Variants in UBXN2A observed in about 807,000 individuals in gnomAD.
UBXN2A encodes UBX domain-containing protein 2A.
A neutral mutation model predicts 28.4 loss-of-function variants in UBXN2A; 28 were observed. The observed-to-expected ratio is 0.99, with a 90% CI of 0.73 to 1.35. UBXN2A has a LOEUF of 1.35. Among genes scored for constraint, UBXN2A ranks in the 40% most tolerant of loss-of-function variants. UBXN2A has a pLI of 0.00. For missense variants in UBXN2A, 253 were observed against 297.9 expected, an observed-to-expected ratio of 0.85 and a Z score of 1.11; for synonymous variants, 97 against 103.6, an observed-to-expected ratio of 0.94 and a Z score of 0.39.
intron 2 of UBXN2A, among the ~76,000 whole-genome samples, chr2:23,966,485 C>G (rs966617471): frequency 1.4e-5 from 2 of 142,868 alleles, no homozygotes; most frequent in African/African-American, 5.2e-5. Flanking sequence ...CAGAGTCTCG[C>G]TCTGTTGCCC....
At chr2:23,938,727 A>T (rs373163684), upstream of UBXN2A, among the ~76,000 whole-genome samples, 55 of 152,198 alleles carry the variant, frequency 3.6e-4, 1 homozygote, top group South Asian at 6.8e-3. Flanking sequence ...AGTAATCAAA[A>T]TAGTATGGTA....
intron 3 of UBXN2A, 119 bp from the exon 4 acceptor site, chr2:23,976,850 G>A: frequency 4.3e-6 from 3 of 704,014 alleles, no homozygotes; most frequent in Non-Finnish European, 7.0e-6. Context: ...CGAAGTGCTG[G>A]GATTACAGGA....
Position 24,001,690 on chromosome 2 carries a change from TGGCTTAC to T in UBXN2A, c.*1825_*1831del, listed in dbSNP as rs1161410353. Reference sequence around the variant, plus strand: ...ATATTTATTTATGGGCCAGGCACGGTGGCTTACGCCTGTAATCCCAGCACTTTGGGAG... The same window carrying T: ...ATATTTATTTATGGGCCAGGCACGGTGCCTGTAATCCCAGCACTTTGGGAG... On this transcript the variant is annotated 3_prime_UTR_variant, in exon 7 of 7. Coordinates refer to ENST00000309033, the MANE Select transcript of UBXN2A (RefSeq NM_181713.4). 6.6e-6 allele frequency: 1 copy of T among 152,096 alleles called. No individual in the cohort carries two copies. Among genetic ancestry groups the T allele is most frequent in the Non-Finnish European group, 1.5e-5 (1 of 68,008 alleles). 9.4% of individuals were successfully genotyped at this position (152,096 alleles called of 1,614,324 possible).
At chr2:23,946,785 T>C (rs1706104453) in intron 1 of UBXN2A, among the ~76,000 whole-genome samples, 1 of 152,160 alleles carries the variant, frequency 6.6e-6, no homozygotes. Flanking sequence ...AGTTTTTATA[T>C]TCAGATTCTT....
At chr2:23,960,024 G>A (rs889365852) in intron 2 of UBXN2A, among the ~76,000 whole-genome samples, 4 of 152,158 alleles carry the variant, frequency 2.6e-5, no homozygotes, top group East Asian at 1.9e-4. Flanking sequence ...AGGCCGAGGC[G>A]GGTGGATCAC....
intron 3 of UBXN2A, among the ~76,000 whole-genome samples, chr2:23,973,320 G>A (rs140236819): frequency 6.7e-6 from 1 of 149,388 alleles, no homozygotes; most frequent in East Asian, 2.0e-4. Context: ...CACCTGGCCT[G>A]GTAGATATTT....
intron 1 of UBXN2A, among the ~76,000 whole-genome samples, chr2:23,930,855 TA>T (rs1433710812): frequency 2.0e-5 from 3 of 151,332 alleles, no homozygotes; most frequent in African/African-American, 7.3e-5. Flanking sequence ...CCCATCTCTA[TA>T]AATTAAAATA....
chr2:23,952,337 C>T (rs1047419760), intron 1 of UBXN2A, among the ~76,000 whole-genome samples: 1 of 152,134 alleles, frequency 6.6e-6, no homozygotes. Context: ...GATCACAGGT[C>T]GCTGCAGCCT....
chr2:23,978,016 AAC>A (rs1334896101), intron 4 of UBXN2A, among the ~76,000 whole-genome samples: 1 of 151,902 alleles, frequency 6.6e-6, no homozygotes, highest in Admixed American at 6.6e-5. Flanking sequence ...ATTTTTTAAT[AAC>A]AGTTTCACCA....
intron 1 of UBXN2A, among the ~76,000 whole-genome samples, chr2:23,931,564 G>T (rs563890221): frequency 6.6e-6 from 1 of 152,202 alleles, no homozygotes; most frequent in African/African-American, 2.4e-5. Flanking sequence ...AAAAAAACCT[G>T]CAGTACATGC....
chr2:23,935,127 A>G (rs781392427), intron 1 of UBXN2A, among the ~76,000 whole-genome samples: 49 of 152,190 alleles, frequency 3.2e-4, no homozygotes, highest in Non-Finnish European at 1.0e-4. Context: ...AGCTAAAGCT[A>G]TAAAATGCTT....
upstream of UBXN2A, among the ~76,000 whole-genome samples, chr2:23,938,860 G>T (rs1393767820): frequency 6.6e-6 from 1 of 152,062 alleles, no homozygotes; most frequent in East Asian, 1.9e-4. Flanking sequence ...AATGGTGCTG[G>T]GACCAAAAAA....
chr2:23,972,739 G>C (rs1348506358), intron 3 of UBXN2A, among the ~76,000 whole-genome samples: 1 of 151,812 alleles, frequency 6.6e-6, no homozygotes, highest in Non-Finnish European at 1.5e-5. Flanking sequence ...GGAGAATCGC[G>C]TGAACCTGGG....
chr2:23,986,236 G>T (rs958861794), intron 6 of UBXN2A, among the ~76,000 whole-genome samples: 1 of 152,026 alleles, frequency 6.6e-6, no homozygotes, highest in Non-Finnish European at 1.5e-5. Flanking sequence ...CGTGAACCCG[G>T]AAGGCGGAGC....
At chr2:23,962,846 G>T (rs1005748624) in intron 2 of UBXN2A, among the ~76,000 whole-genome samples, 1 of 152,008 alleles carries the variant, frequency 6.6e-6, no homozygotes, top group Non-Finnish European at 1.5e-5. Flanking sequence ...CCGACCTCAG[G>T]TGATCCACCC....
chr2:23,947,314 A>G (rs1248193399), intron 1 of UBXN2A, among the ~76,000 whole-genome samples: 1 of 152,144 alleles, frequency 6.6e-6, no homozygotes, highest in Non-Finnish European at 1.5e-5. Flanking sequence ...TCATCACTGC[A>G]CTTTTTGGGA....
chr2:23,928,203 G>A, intron 1 of UBXN2A, among the ~76,000 whole-genome samples: 1 of 149,532 alleles, frequency 6.7e-6, no homozygotes. Flanking sequence ...GAAAGAGAGA[G>A]AGAAAGGAAG....
intron 2 of UBXN2A, among the ~76,000 whole-genome samples, chr2:23,965,521 A>C (rs536834279): frequency 6.6e-6 from 1 of 152,344 alleles, no homozygotes; most frequent in African/African-American, 2.4e-5. Flanking sequence ...TACATGAATT[A>C]ATTTTCAGTG....
At chr2:23,981,555 T>G (rs1245886601) in intron 4 of UBXN2A, among the ~76,000 whole-genome samples, 1 of 151,016 alleles carries the variant, frequency 6.6e-6, no homozygotes, top group Admixed American at 6.6e-5. Context: ...ATTTGTATTA[T>G]TTCCGTTTTC....
Sources: gnomAD v4.1 joint callset for allele counts (sites outside exome capture counted in the v4.1 genomes callset) on GRCh38, gnomAD v4.1.1 for gene constraint, MANE v1.5 for transcripts, NCBI Gene and HGNC (gene_info 2026-07-23, HGNC 2026-07-21) for gene names.